Variants in PDIA6 observed in about 807,000 individuals in gnomAD.
PDIA6 encodes the protein protein disulfide isomerase family A member 6.
Under a neutral mutation model 58.4 loss-of-function variants are expected in PDIA6, and 29 were observed. The observed-to-expected ratio is 0.50, with a 90% CI of 0.37 to 0.68. PDIA6 has a LOEUF of 0.68. PDIA6 is among the 30% of genes least tolerant of loss of function. The pLI is 0.00. For missense variants in PDIA6, 480 were observed against 551.0 expected (o/e 0.87, Z 1.29); for synonymous variants, 192 against 202.6 (o/e 0.95, Z 0.44).
At chr2:10,794,467 TC>T (rs1281063227) in intron 4 of PDIA6, among the ~76,000 whole-genome samples, 3 of 79,296 alleles carry the variant, frequency 3.8e-5, no homozygotes, top group Admixed American at 1.4e-4. Flanking sequence ...AAAAAATCTT[TC>T]TTTTTTTTTT....
intron 12 of PDIA6, chr2:10,784,636 A>C (rs1409015710): frequency 6.0e-6 from 3 of 500,842 alleles, no homozygotes; most frequent in Non-Finnish European, 7.0e-6. Context: ...ATCATTTTCT[A>C]TTTTTCTAAG....
chr2:10,795,194 G>A (rs1666214807), intron 4 of PDIA6, among the ~76,000 whole-genome samples: 1 of 152,128 alleles, frequency 6.6e-6, no homozygotes, highest in Non-Finnish European at 1.5e-5. Flanking sequence ...AGCGTTTTGG[G>A]CCATACTGTC....
chr2:10,813,977 G>A (rs1294743613), upstream of PDIA6, among the ~76,000 whole-genome samples: 2 of 151,656 alleles, frequency 1.3e-5, no homozygotes, highest in African/African-American at 4.8e-5. Flanking sequence ...CGCCTGCTTC[G>A]GCCTCCCAAA....
chr2:10,832,873 T>A (rs1667744663), upstream of PDIA6, among the ~76,000 whole-genome samples: 1 of 151,862 alleles, frequency 6.6e-6, no homozygotes, highest in Non-Finnish European at 1.5e-5. Flanking sequence ...CCAGGGACAT[T>A]TGGCGGACGC....
chr2:10,814,121 T>C (rs957887045), upstream of PDIA6, among the ~76,000 whole-genome samples: 1 of 152,330 alleles, frequency 6.6e-6, no homozygotes, highest in African/African-American at 2.4e-5. Context: ...ATTTTGTTTT[T>C]GTATTAGTAA....
At chr2:10,823,908 G>T (rs1667474441) in intron 1 of PDIA6, among the ~76,000 whole-genome samples, 1 of 151,380 alleles carries the variant, frequency 6.6e-6, no homozygotes, top group African/African-American at 2.4e-5. Context: ...GGGATACAAA[G>T]GACTGCCCTC....
intron 11 of PDIA6, among the ~76,000 whole-genome samples, chr2:10,786,589 T>C (rs545568351): frequency 2.0e-5 from 3 of 152,292 alleles, no homozygotes; most frequent in African/African-American, 7.2e-5. Context: ...GCAAGAGCAC[T>C]GCAGGCTTTC....
chr2:10,788,835 GA>G lies in PDIA6; in HGVS notation c.925+61del. The G allele has an allele frequency of 3.2e-6, 5 of 1,559,824 alleles. 1 individual carries two copies. Among genetic ancestry groups the G allele is most frequent in the South Asian group, 2.2e-5 (2 of 89,932 alleles). ...GGAGTCCATAAAATTAATCCATTTA[GA>G]AAGTATTCTCAGAGCATCTAGCATA... On this transcript the variant is annotated intron_variant, in intron 9 of 12. Transcript: ENST00000272227.
intron 1 of PDIA6, among the ~76,000 whole-genome samples, chr2:10,805,748 A>G (rs1014316714): frequency 2.0e-5 from 2 of 101,818 alleles, no homozygotes; most frequent in African/African-American, 5.9e-5. Context: ...TGATGAGTTC[A>G]TGTCCTTTGT....
At chr2:10,790,870 GAC>G (rs1293849912) in intron 6 of PDIA6, 37 bp from the exon 7 acceptor site, 1 of 1,504,806 alleles carries the variant, frequency 6.6e-7, no homozygotes, top group African/African-American at 1.4e-5. Flanking sequence ...GTTTCTTTGA[GAC>G]ACAGTCTCTC....
At chr2:10,811,511 CATGTACT>C (rs1666997274) in intron 1 of PDIA6, among the ~76,000 whole-genome samples, 1 of 43,052 alleles carries the variant, frequency 2.3e-5, no homozygotes, top group Non-Finnish European at 8.3e-5. Flanking sequence ...AACAGAAAGA[CATGTACT>C]AACTCATTAA....
chr2:10,808,576 A>C (rs183244488), intron 1 of PDIA6, among the ~76,000 whole-genome samples: 127 of 152,324 alleles, frequency 8.3e-4, no homozygotes, highest in African/African-American at 2.9e-3. Context: ...AAATGCCCAG[A>C]GTCAGAAGAG....
intron 1 of PDIA6, among the ~76,000 whole-genome samples, chr2:10,812,356 AC>A (rs1347751451): frequency 6.7e-6 from 1 of 149,620 alleles, no homozygotes; most frequent in Admixed American, 6.6e-5. Flanking sequence ...GGGAATACAG[AC>A]CCCCTCCCCG....
intron 2 of PDIA6, among the ~76,000 whole-genome samples, chr2:10,799,885 T>G (rs755671915): frequency 5.3e-5 from 8 of 150,880 alleles, no homozygotes; most frequent in Non-Finnish European, 8.8e-5. Context: ...GGATAAAAAT[T>G]TTGGGAATCC....
intron 4 of PDIA6, among the ~76,000 whole-genome samples, chr2:10,796,203 A>G (rs752219673): frequency 1.6e-4 from 25 of 151,822 alleles, no homozygotes; most frequent in Non-Finnish European, 3.2e-4. Flanking sequence ...ACAGTCACCC[A>G]CCACCGTGCC....
chr2:10,784,348 C>CTGTT (rs1243179496), intron 12 of PDIA6, 22 bp from the exon 13 acceptor site: 8 of 1,601,250 alleles, frequency 5.0e-6, no homozygotes, highest in Non-Finnish European at 6.8e-6. Context: ...CAGAAAGCCA[C>CTGTT]TGTTAGATCT....
At chr2:10,832,784 G>GA (rs900078313), upstream of PDIA6, among the ~76,000 whole-genome samples, 15 of 152,350 alleles carry the variant, frequency 9.8e-5, no homozygotes, top group Admixed American at 9.8e-4. Context: ...CTCCTGAGGG[G>GA]AGGGGCAGCT....
intron 1 of PDIA6, chr2:10,820,822 G>A (rs529860736): frequency 4.3e-6 from 3 of 702,894 alleles, no homozygotes; most frequent in Non-Finnish European, 7.8e-6. Context: ...GGGGCCAGTG[G>A]TCGGCACACC....
intron 2 of PDIA6, among the ~76,000 whole-genome samples, chr2:10,799,639 ACAGT>A (rs918374571): frequency 4.6e-5 from 7 of 152,230 alleles, no homozygotes; most frequent in African/African-American, 1.7e-4. Flanking sequence ...ATATTTACAT[ACAGT>A]ATGTTTTGTT....
Sources: allele counts gnomAD v4.1 joint callset (sites outside exome capture counted in the v4.1 genomes callset), GRCh38; gene constraint gnomAD v4.1.1; transcripts MANE v1.5; gene names NCBI Gene and HGNC (gene_info 2026-07-23, HGNC 2026-07-21).